Variants in NUP58 observed in about 807,000 individuals in gnomAD.
NUP58 encodes nucleoporin 58.
NUP58 carries 17 observed loss-of-function variants against 70.1 expected under a neutral mutation model. The observed-to-expected ratio is 0.24, with a 90% CI of 0.17 to 0.36. The LOEUF is 0.36. Ranked by LOEUF, NUP58 falls within the 10% of genes least tolerant of loss-of-function variation. NUP58 has a pLI of 1.00. For missense variants in NUP58, 644 were observed against 701.5 expected (o/e 0.92, Z 0.93); for synonymous variants, 275 against 257.6 (o/e 1.07, Z -0.65).
intron 6 of NUP58, chr13:25,317,731 A>T (rs1188986421): frequency 1.3e-5 from 2 of 152,086 alleles, no homozygotes. Context: ...GAGATACTAA[A>T]TATGAAAGAA....
intron 5 of NUP58, among the ~76,000 whole-genome samples, chr13:25,314,987 T>G (rs1420862165): frequency 6.6e-6 from 1 of 152,206 alleles, no homozygotes; most frequent in African/African-American, 2.4e-5. Context: ...CAAAGTGTGT[T>G]TGTAAGACAA....
At position 25,337,965 on chromosome 13, in the gene NUP58, C is replaced by T. The variant is rs186617109; in HGVS notation, c.1535-671C>T. On this transcript the variant is annotated intron_variant, in intron 14 of 15. Coordinates refer to ENST00000381736, the MANE Select transcript of NUP58 (RefSeq NM_014089.4). ...GAGAGTGGAAACTAGTCTTCAAGTA[C>T]TTAGAATGTCATGAACTTTGTGTGA... Among the ~76,000 whole-genome samples, 371 of 152,264 alleles carry T rather than the reference C, an allele frequency of 2.4e-3. 2 individuals carry two copies. Among genetic ancestry groups the T allele is most frequent in the African/African-American group, 8.4e-3 (351 of 41,562 alleles).
chr13:25,338,360 T>G (rs1291115714), intron 14 of NUP58, among the ~76,000 whole-genome samples: 2 of 152,180 alleles, frequency 1.3e-5, no homozygotes, highest in African/African-American at 4.8e-5. Flanking sequence ...TTCTAGCACA[T>G]TTAGAAGAGA....
rs1051589777 is a variant in NUP58, at chr13:25,319,225, G to A, written c.686-101G>A. 4 of 1,067,118 alleles carry A rather than the reference G, an allele frequency of 3.7e-6. No homozygotes were observed. In the African/African-American group the frequency reaches 6.3e-5, roughly 17 times the overall value. 66.1% of individuals were successfully genotyped at this position (1,067,118 alleles called of 1,614,324 possible). A position where few individuals can be genotyped will look rare whatever the true frequency, so the allele number is the denominator to read the frequency against. ...GAGGCAAGCAAAGAAATGCTTAACA[G>A]TTTATATTTATACTTTAATTTGTGT... On this transcript the variant is annotated intron_variant, in intron 6 of 15. Transcript: ENST00000381736.
downstream of NUP58, among the ~76,000 whole-genome samples, chr13:25,345,364 T>C (rs1277996730): frequency 7.3e-6 from 1 of 136,832 alleles, no homozygotes; most frequent in Non-Finnish European, 1.6e-5. Flanking sequence ...ACAGTTCATA[T>C]GGGGGAAACT....
chr13:25,339,873 C>T, intron 15 of NUP58, 92 bp from the exon 16 acceptor site: 1 of 1,109,938 alleles, frequency 9.0e-7, no homozygotes, highest in Non-Finnish European at 1.3e-6. Flanking sequence ...ATTATGTATT[C>T]TTTTAGATAG....
At chr13:25,330,262 G>A (rs952844069) in intron 12 of NUP58, among the ~76,000 whole-genome samples, 3 of 152,192 alleles carry the variant, frequency 2.0e-5, no homozygotes, top group Admixed American at 6.5e-5. Flanking sequence ...GCAAGAGATC[G>A]GTAGTGCTTG....
At chr13:25,335,984 A>C in intron 13 of NUP58, 1 of 1,108,202 alleles carries the variant, frequency 9.0e-7, no homozygotes, top group South Asian at 2.1e-5. Flanking sequence ...TTAAAAAAAA[A>C]AAATAGTAGT....
chr13:25,304,253 C>A lies in NUP58; in HGVS notation c.107+2373C>A, dbSNP rs1047504383. 2.0e-5 allele frequency among the ~76,000 whole-genome samples: 3 copies of A among 151,984 alleles called. No individual in the cohort carries two copies. The East Asian group carries it at 5.8e-4, about 29-fold the overall frequency. Reference sequence around the variant, plus strand: ...TGATTGAGTCAAGTTGGCTTTTCTACAGTACATCCTATCAAGTCCTTGGCA... The same window carrying A: ...TGATTGAGTCAAGTTGGCTTTTCTAAAGTACATCCTATCAAGTCCTTGGCA... On this transcript the variant is annotated intron_variant, in intron 1 of 15. Transcript: ENST00000381736.
chr13:25,309,609 G>A (rs189101368), intron 3 of NUP58, among the ~76,000 whole-genome samples: 172 of 152,318 alleles, frequency 1.1e-3, no homozygotes, highest in Non-Finnish European at 2.1e-3. Flanking sequence ...AGAAATTTTG[G>A]AATTAAGCCT....
At chr13:25,347,126 TGTA>T (rs1399027733), downstream of NUP58, among the ~76,000 whole-genome samples, 1 of 152,162 alleles carries the variant, frequency 6.6e-6, no homozygotes, top group Non-Finnish European at 1.5e-5. Flanking sequence ...TTGTGTGAAA[TGTA>T]GTATTGACTG....
downstream of NUP58, among the ~76,000 whole-genome samples, chr13:25,347,054 T>C (rs1019374561): frequency 2.0e-5 from 3 of 152,186 alleles, no homozygotes; most frequent in Non-Finnish European, 2.9e-5. Flanking sequence ...AACATGAAAT[T>C]CATTTATGTT....
At chr13:25,323,656 C>T (rs908545664) in intron 9 of NUP58, among the ~76,000 whole-genome samples, 3 of 152,086 alleles carry the variant, frequency 2.0e-5, no homozygotes, top group African/African-American at 7.2e-5. Flanking sequence ...CTGATGCAGA[C>T]CAGATTCTTA....
At chr13:25,318,879 T>C (rs1593185595) in intron 6 of NUP58, among the ~76,000 whole-genome samples, 1 of 152,218 alleles carries the variant, frequency 6.6e-6, no homozygotes, top group East Asian at 1.9e-4. Flanking sequence ...CCTTAAAAAG[T>C]GTCAGGTAAA....
rs758103853 is a variant in NUP58, at chr13:25,312,845, T to TTTTG, written c.287-26_287-23dup. ...AGAACACTTACAGGTAAAGTAGGAT[T>TTTTG]TTTGTTTGTTTGTTTATTCATTTAT... On this transcript the variant is annotated intron_variant, in intron 3 of 15. Transcript: ENST00000381736. 7.1e-6 allele frequency: 11 copies of TTTTG among 1,548,684 alleles called. No homozygotes were observed. In the South Asian group the frequency reaches 1.2e-4, roughly 17 times the overall value.
chr13:25,331,008 T>A (rs2031583181), intron 12 of NUP58, among the ~76,000 whole-genome samples: 1 of 152,182 alleles, frequency 6.6e-6, no homozygotes, highest in African/African-American at 2.4e-5. Flanking sequence ...CTTGAAAAAC[T>A]GGAATATTTA....
At chr13:25,334,636 G>A (rs2031720061) in intron 13 of NUP58, 1 of 981,702 alleles carries the variant, frequency 1.0e-6, no homozygotes, top group Non-Finnish European at 1.2e-6. Flanking sequence ...ATTTTAAAAT[G>A]TGACTTAGAA....
At chr13:25,336,474 C>G in intron 13 of NUP58, 1 of 370,974 alleles carries the variant, frequency 2.7e-6, no homozygotes, top group South Asian at 2.4e-5. Flanking sequence ...GTCAGTCTCT[C>G]TTGATCAATT....
intron 9 of NUP58, among the ~76,000 whole-genome samples, chr13:25,322,117 C>G (rs1212473129): frequency 6.6e-6 from 1 of 152,198 alleles, no homozygotes; most frequent in Non-Finnish European, 1.5e-5. Flanking sequence ...TTGATCTCAT[C>G]ATAGCAGTCT....
Sources: allele counts gnomAD v4.1 joint callset (sites outside exome capture counted in the v4.1 genomes callset), GRCh38; gene constraint gnomAD v4.1.1; transcripts MANE v1.5; gene names NCBI Gene and HGNC (gene_info 2026-07-23, HGNC 2026-07-21).